Variants in FREM1 observed in about 807,000 individuals in gnomAD.
FREM1 encodes the protein FRAS1 related extracellular matrix 1.
FREM1 carries 220 observed loss-of-function variants against 210.1 expected under a neutral mutation model. That is an observed-to-expected ratio of 1.05 (90% CI 0.94 to 1.17). FREM1 has a LOEUF of 1.17. FREM1 is among the 50% of genes most tolerant of loss of function. The probability of loss-of-function intolerance (pLI) is 0.00; values close to 1 mark genes in which losing one functional copy is unlikely to be tolerated. For synonymous variants in FREM1, 1,189 were observed against 980.2 expected (o/e 1.21, Z -3.98); for missense variants, 3,454 against 2,675.5 (o/e 1.29, Z -6.42).
At chr9:14,750,061 C>T in intron 30 of FREM1, 66 bp downstream of exon 30, 1 of 1,519,734 alleles carries the variant, frequency 6.6e-7, no homozygotes, top group Non-Finnish European at 9.0e-7. Context: ...AGCACGTTGG[C>T]TGTTGAAGGC....
chr9:14,837,443 CCA>C (rs746575597), intron 10 of FREM1, among the ~76,000 whole-genome samples: 5 of 146,596 alleles, frequency 3.4e-5, no homozygotes, highest in Non-Finnish European at 6.1e-5. Context: ...CTCCTTAAAA[CCA>C]CACACACACA....
chr9:14,831,439 T>C lies in FREM1; in HGVS notation c.1882-6447A>G, dbSNP rs560040749. Among the ~76,000 whole-genome samples the C allele has an allele frequency of 3.9e-5, 6 of 152,362 alleles. No individual in the cohort carries two copies. The East Asian group carries it at 1.2e-3, about 29-fold the overall frequency. The stretch of plus-strand genomic sequence containing the variant: ...CTTCTGTGAATGGAAAGTTTCTGCT[T>C]TTAACAATTAAGAGTAAAACGTCTT... On this transcript the variant is annotated intron_variant, in intron 10 of 36. Transcript: ENST00000380880.
chr9:14,845,449 C>T (rs112149388), intron 8 of FREM1, among the ~76,000 whole-genome samples: 1 of 152,064 alleles, frequency 6.6e-6, no homozygotes, highest in African/African-American at 2.4e-5. Context: ...GGACTACAGG[C>T]GCCCGCCACC....
intron 13 of FREM1, among the ~76,000 whole-genome samples, chr9:14,820,109 G>C (rs566783850): frequency 4.6e-5 from 7 of 152,260 alleles, no homozygotes; most frequent in African/African-American, 1.7e-4. Flanking sequence ...GAATGGCTTG[G>C]GATATTTTAT....
intron 3 of FREM1, among the ~76,000 whole-genome samples, chr9:14,863,254 T>C (rs906590820): frequency 6.8e-6 from 1 of 147,924 alleles, no homozygotes; most frequent in Admixed American, 6.9e-5. Context: ...GGCAGGAGAA[T>C]AGCTTGAACC....
At chr9:14,874,191 G>A (rs79743469) in intron 1 of FREM1, among the ~76,000 whole-genome samples, 124 of 152,060 alleles carry the variant, frequency 8.2e-4, no homozygotes, top group African/African-American at 2.8e-3. Context: ...GGTCTGCTTG[G>A]TGCAGAGGTG....
chr9:14,780,433 G>GAAAAAACAAAAAAAAAAAAAAAAAAA (rs1849464791), intron 24 of FREM1, among the ~76,000 whole-genome samples: 1 of 81,536 alleles, frequency 1.2e-5, no homozygotes, highest in African/African-American at 4.3e-5. Context: ...CAGCTCCTCA[G>GAAAAAACAAAAAAAAAAAAAAAAAAA]AAAAAAAAAA....
At chr9:14,806,237 C>T (rs545117026) in intron 18 of FREM1, among the ~76,000 whole-genome samples, 1 of 149,248 alleles carries the variant, frequency 6.7e-6, no homozygotes, top group Non-Finnish European at 1.5e-5. Context: ...TCATTGAATA[C>T]ATATGGTGCT....
intron 3 of FREM1, among the ~76,000 whole-genome samples, chr9:14,860,644 T>TACATATATAC (rs1260162653): frequency 7.1e-6 from 1 of 141,566 alleles, no homozygotes; most frequent in Non-Finnish European, 1.5e-5. Context: ...TACACATGTA[T>TACATATATAC]ACATATATAC....
chr9:14,740,213 A>T lies in FREM1; in HGVS notation c.6276T>A (p.Thr2092=). ...ACCGCATGTGCTGCCTGGAGAATAC[A>T]GTTACAAGGTTGCCCAGGTATCTAA... The part of the protein sequence containing the change: ...CREQYLGNLV[T]VFSRQHMRWL... The change falls in exon 36 of 37, where the codon ACT becomes ACA. Residue 2092 remains threonine, a synonymous_variant. Transcript: ENST00000380880. The T allele has an allele frequency of 6.2e-7, 1 of 1,613,074 alleles. No individual in the cohort carries two copies. Among genetic ancestry groups the T allele is most frequent in the East Asian group, 2.2e-5 (1 of 44,840 alleles).
intron 35 of FREM1, among the ~76,000 whole-genome samples, chr9:14,740,608 G>A (rs1841396711): frequency 1.3e-5 from 2 of 152,038 alleles, no homozygotes; most frequent in African/African-American, 2.4e-5. Context: ...TATAAATTTG[G>A]CAAATACCAA....
chr9:14,825,963 A>G (rs1041100654), intron 10 of FREM1, among the ~76,000 whole-genome samples: 1 of 152,182 alleles, frequency 6.6e-6, no homozygotes, highest in Non-Finnish European at 1.5e-5. Context: ...ATCTTCAAAA[A>G]AGTACAAATG....
At chr9:14,816,639 C>T in intron 15 of FREM1, 139 bp downstream of exon 15, 1 of 424,532 alleles carries the variant, frequency 2.4e-6, no homozygotes, top group Non-Finnish European at 4.1e-6. Context: ...TGCAGCTACC[C>T]AATCTTAGAC....
At chr9:14,878,783 T>C (rs1396996659) in intron 1 of FREM1, among the ~76,000 whole-genome samples, 1 of 152,098 alleles carries the variant, frequency 6.6e-6, no homozygotes. Context: ...GTGAATAAAT[T>C]GGAGAAAACA....
chr9:14,873,543 A>C (rs1213617728), intron 1 of FREM1, among the ~76,000 whole-genome samples: 6 of 138,296 alleles, frequency 4.3e-5, no homozygotes, highest in Admixed American at 7.3e-5. Context: ...TATTGCATAT[A>C]TTTGATTCTT....
intron 1 of FREM1, among the ~76,000 whole-genome samples, chr9:14,873,418 AT>A (rs1833090758): frequency 6.6e-6 from 1 of 152,134 alleles, no homozygotes; most frequent in Non-Finnish European, 1.5e-5. Flanking sequence ...GTGTCGAGGA[AT>A]TTATCCATTT....
At chr9:14,854,705 G>C (rs532043448) in intron 5 of FREM1, among the ~76,000 whole-genome samples, 3 of 151,950 alleles carry the variant, frequency 2.0e-5, no homozygotes, top group African/African-American at 7.2e-5. Context: ...TAAAATAATT[G>C]AATTCAGGAA....
chr9:14,896,319 G>A (rs1005039510), intron 1 of FREM1, among the ~76,000 whole-genome samples: 8 of 152,132 alleles, frequency 5.3e-5, no homozygotes, highest in African/African-American at 1.9e-4. Context: ...GCCGAGGTGG[G>A]CAGATCACGA....
At chr9:14,787,445 C>T (rs1050763199) in intron 23 of FREM1, among the ~76,000 whole-genome samples, 2 of 152,142 alleles carry the variant, frequency 1.3e-5, no homozygotes, top group African/African-American at 2.4e-5. Flanking sequence ...AGTCTGGCAA[C>T]GCACTGGCTA....
Sources: allele counts gnomAD v4.1 joint callset (sites outside exome capture counted in the v4.1 genomes callset), GRCh38; gene constraint gnomAD v4.1.1; transcripts MANE v1.5; gene names NCBI Gene and HGNC (gene_info 2026-07-23, HGNC 2026-07-21).